Variants in PUS7 observed in about 807,000 individuals in gnomAD.
PUS7 encodes the protein pseudouridine synthase 7.
Under a neutral mutation model 79.8 loss-of-function variants are expected in PUS7, and 48 were observed. The observed-to-expected ratio is 0.60, with a 90% CI of 0.48 to 0.76. PUS7 has a LOEUF of 0.76. PUS7 is among the 30% of genes least tolerant of loss of function. The pLI is 0.00. For synonymous variants in PUS7, 286 were observed against 272.2 expected (o/e 1.05, Z -0.50); for missense variants, 729 against 797.6 (o/e 0.91, Z 1.04).
At position 105,470,836 on chromosome 7, in the gene PUS7, T is replaced by C. The variant is rs766061051; in HGVS notation, c.1250A>G (p.Tyr417Cys). The C allele has an allele frequency of 2.5e-6, 4 of 1,594,868 alleles. No homozygotes were observed. The highest frequency in any genetic ancestry group is 1.3e-5 in the African/African-American group (1 of 74,398). Residue 417 changes from tyrosine to cysteine, a missense_variant, in exon 11 of 16, where the codon TAC becomes TGC. By Grantham distance (194) the Tyr-to-Cys change is radical (BLOSUM62 -2). Coordinates refer to ENST00000469408, the MANE Select transcript of PUS7 (RefSeq NM_019042.5). ...LKPRSGAEKGYLVKCREEWAK... is the reference protein window; with the variant it reads ...LKPRSGAEKGCLVKCREEWAK... ...CCATTCTTCTCTGCATTTAACCAAG[T>C]AGCCCTTTTCAGCTGCGGGGGGAAA...
intron 9 of PUS7, among the ~76,000 whole-genome samples, chr7:105,475,433 C>G: frequency 6.6e-6 from 1 of 152,014 alleles, no homozygotes; most frequent in Non-Finnish European, 1.5e-5. Context: ...GATCTGCCCC[C>G]CTTGGCCTCC....
intron 1 of PUS7, among the ~76,000 whole-genome samples, chr7:105,508,826 A>T (rs2462610): frequency 3.6e-5 from 5 of 139,358 alleles, no homozygotes; most frequent in African/African-American, 1.1e-4. Context: ...GAGTTAAGAT[A>T]GTGCCACTGC....
chr7:105,488,752 A>G (rs1824655291), intron 7 of PUS7, among the ~76,000 whole-genome samples: 1 of 152,246 alleles, frequency 6.6e-6, no homozygotes, highest in African/African-American at 2.4e-5. Flanking sequence ...TAAAAAGGAA[A>G]AAAAGTCCCT....
intron 4 of PUS7, among the ~76,000 whole-genome samples, chr7:105,504,070 CT>C (rs11455671): frequency 1.5e-3 from 200 of 136,918 alleles, no homozygotes; most frequent in East Asian, 1.5e-3. Context: ...CTTGATGACA[CT>C]TTTTTTTTTT....
At chr7:105,496,224 T>TAG (rs1562809031) in intron 5 of PUS7, among the ~76,000 whole-genome samples, 28 of 84,000 alleles carry the variant, frequency 3.3e-4, no homozygotes, top group African/African-American at 5.9e-4. Context: ...TATATATATA[T>TAG]ATAGAGAGAG....
chr7:105,472,267 G>C, intron 9 of PUS7, 74 bp from the exon 10 acceptor site: 3 of 908,356 alleles, frequency 3.3e-6, no homozygotes, highest in Non-Finnish European at 5.3e-6. Context: ...TCTTTGAAGA[G>C]TCAACAAATC....
intron 11 of PUS7, 82 bp downstream of exon 11, chr7:105,470,606 G>A: frequency 7.0e-7 from 1 of 1,420,092 alleles, no homozygotes; most frequent in Non-Finnish European, 9.5e-7. Context: ...CTCTTTCAAA[G>A]TTTAGTAAAA....
chr7:105,481,825 G>A (rs1824334210), intron 8 of PUS7, among the ~76,000 whole-genome samples: 2 of 151,426 alleles, frequency 1.3e-5, no homozygotes, highest in African/African-American at 2.4e-5. Context: ...CTGCCTCCTC[G>A]GTTCACGCCA....
rs757206683 is a variant in PUS7 at position 105,481,147 on chromosome 7, C to T, written c.1080G>A (p.Gln360=). ...TCTCCTTGAGAGAGTTCATAGCTTG[C>T]TGTACTTGGTCATCAGTTCCTGTTA... ...RNITGTDDQV[Q]QAMNSLKEIG... is the part of the protein sequence containing the mutation. The change falls in exon 9 of 16, where the codon CAG becomes CAA. Residue 360 remains glutamine (Q), a synonymous_variant. Coordinates refer to ENST00000469408, the MANE Select transcript of PUS7 (RefSeq NM_019042.5). 1 of 1,610,776 alleles carries T rather than the reference C, an allele frequency of 6.2e-7. No homozygotes were observed. The highest frequency in any genetic ancestry group is 1.7e-5 in the Admixed American group (1 of 59,500).
intron 5 of PUS7, 78 bp from the exon 6 acceptor site, chr7:105,495,331 C>A: frequency 2.5e-6 from 2 of 816,040 alleles, no homozygotes; most frequent in South Asian, 1.6e-5. Flanking sequence ...CGCTATAGAA[C>A]CTTTGAGTGG....
At chr7:105,521,384 CGAG>C (rs1426243591) in intron 1 of PUS7, among the ~76,000 whole-genome samples, 1 of 152,220 alleles carries the variant, frequency 6.6e-6, no homozygotes, top group African/African-American at 2.4e-5. Flanking sequence ...GCAGGGCTGA[CGAG>C]GAGGACTCGA....
At chr7:105,494,392 A>G (rs931976801) in intron 6 of PUS7, among the ~76,000 whole-genome samples, 1 of 145,504 alleles carries the variant, frequency 6.9e-6, no homozygotes, top group Admixed American at 7.0e-5. Flanking sequence ...CTTCCTATCC[A>G]TGATCAGTGA....
rs1044035212 is a variant in PUS7 at position 105,457,053 on chromosome 7, C to G, written c.*737G>C. 2.0e-5 allele frequency: 3 copies of G among 151,958 alleles called. No homozygotes were observed. The highest frequency in any genetic ancestry group is 6.6e-5 in the Admixed American group (1 of 15,242). 9.4% of individuals were successfully genotyped at this position (151,958 alleles called of 1,614,324 possible). On this transcript the variant is annotated 3_prime_UTR_variant, in exon 16 of 16. Coordinates refer to ENST00000469408, the MANE Select transcript of PUS7 (RefSeq NM_019042.5). ...GGCTGAGGTGGGAGAGTCACTGGAG[C>G]CTGGGAGGTCGAGGCTGCAGTGCAA...
chr7:105,468,948 C>A (rs1316576058), intron 11 of PUS7, among the ~76,000 whole-genome samples: 1 of 152,200 alleles, frequency 6.6e-6, no homozygotes, highest in African/African-American at 2.4e-5. Flanking sequence ...GTCACCCAGG[C>A]TGGAGTGCAG....
At chr7:105,497,433 G>A (rs1292105427) in intron 5 of PUS7, among the ~76,000 whole-genome samples, 1 of 151,962 alleles carries the variant, frequency 6.6e-6, no homozygotes, top group Non-Finnish European at 1.5e-5. Context: ...TTCTTGCATT[G>A]AATTATAAAG....
chr7:105,514,955 T>C (rs1200812401), intron 1 of PUS7, among the ~76,000 whole-genome samples: 4 of 152,018 alleles, frequency 2.6e-5, no homozygotes, highest in Non-Finnish European at 5.9e-5. Context: ...CCACCACGCC[T>C]AGCTAATTTT....
chr7:105,508,853 C>CA (rs1407305858), intron 1 of PUS7, among the ~76,000 whole-genome samples: 2 of 98,966 alleles, frequency 2.0e-5, no homozygotes, highest in Non-Finnish European at 3.7e-5. Context: ...GCCTGGGCGA[C>CA]AGAGTGAGAC....
At chr7:105,459,747 C>T (rs920328849) in intron 14 of PUS7, among the ~76,000 whole-genome samples, 1 of 151,622 alleles carries the variant, frequency 6.6e-6, no homozygotes, top group East Asian at 2.0e-4. Flanking sequence ...ATAATAGGCT[C>T]AATCCAATTA....
intron 4 of PUS7, 109 bp from the exon 5 acceptor site, chr7:105,502,673 A>G (rs1825303613): frequency 7.5e-6 from 9 of 1,201,858 alleles, no homozygotes; most frequent in Non-Finnish European, 1.1e-5. Context: ...ACGCAAAATA[A>G]CAAAAGTGCC....
Sources: gnomAD v4.1 joint callset for allele counts (sites outside exome capture counted in the v4.1 genomes callset) on GRCh38, gnomAD v4.1.1 for gene constraint, MANE v1.5 for transcripts, NCBI Gene and HGNC (gene_info 2026-07-23, HGNC 2026-07-21) for gene names.